The following JMJD1C variants were observed in gnomAD, a reference collection of about 807,000 sequenced individuals.
JMJD1C encodes the protein jumonji domain-containing protein 1C.
Under a neutral mutation model 245.3 loss-of-function variants are expected in JMJD1C, and 31 were observed. That is an observed-to-expected ratio of 0.13 (90% CI 0.09 to 0.17). The LOEUF is 0.17. Among genes scored for constraint, JMJD1C ranks in the 10% least tolerant of loss-of-function variants. The pLI is 1.00. For synonymous variants in JMJD1C, 1,057 were observed against 1,017.4 expected (o/e 1.04, Z -0.74); for missense variants, 2,691 against 3,000.2 (o/e 0.90, Z 2.41).
chr10:63,354,835 T>C (rs1230975966), intron 2 of JMJD1C, among the ~76,000 whole-genome samples: 2 of 136,592 alleles, frequency 1.5e-5, no homozygotes, highest in Non-Finnish European at 1.5e-5. Context: ...GGCAACATGG[T>C]GAGATCCCAT....
chr10:63,443,438 G>A (rs991887459), intron 1 of JMJD1C, among the ~76,000 whole-genome samples: 1 of 152,136 alleles, frequency 6.6e-6, no homozygotes, highest in African/African-American at 2.4e-5. Context: ...AGCCTCCCGA[G>A]TAGCTGGGAC....
rs368431973 is a variant in JMJD1C, at chr10:63,219,993, T to C, written c.448-10A>G. 4.9e-5 allele frequency: 79 copies of C among 1,598,670 alleles called. No individual in the cohort carries two copies. Among genetic ancestry groups the C allele is most frequent in the East Asian group, 4.9e-4 (22 of 44,786 alleles). On this transcript the variant is annotated splice_polypyrimidine_tract_variant and intron_variant, in intron 3 of 25. Transcript: ENST00000399262. ...GGCTGTCTATGTCGTCCTAGAATTATAGATTAAAAGAAAGGTCCATGTTAC... is the reference window on the plus strand; with the variant it reads ...GGCTGTCTATGTCGTCCTAGAATTACAGATTAAAAGAAAGGTCCATGTTAC...
intron 2 of JMJD1C, among the ~76,000 whole-genome samples, chr10:63,332,733 T>G (rs182342455): frequency 3.9e-5 from 6 of 152,232 alleles, no homozygotes; most frequent in African/African-American, 1.4e-4. Flanking sequence ...TTCCATTTAT[T>G]TTTATAGGTT....
intron 2 of JMJD1C, among the ~76,000 whole-genome samples, chr10:63,372,338 A>G (rs1481378672): frequency 6.6e-6 from 1 of 152,252 alleles, no homozygotes; most frequent in Non-Finnish European, 1.5e-5. Context: ...AGATTTGAAT[A>G]TTTAAGTCAA....
intron 1 of JMJD1C, among the ~76,000 whole-genome samples, chr10:63,448,346 G>T (rs756404259): frequency 2.0e-5 from 3 of 151,912 alleles, no homozygotes; most frequent in Non-Finnish European, 4.4e-5. Context: ...TAATAGAGGC[G>T]AGGTTTCATC....
At chr10:63,295,966 T>C (rs1859348034) in intron 2 of JMJD1C, among the ~76,000 whole-genome samples, 1 of 12,398 alleles carries the variant, frequency 8.1e-5, no homozygotes, top group Admixed American at 4.1e-4. Flanking sequence ...TATATGTGTG[T>C]GTGTGTGTGT....
chr10:63,389,309 C>T (rs111572785), intron 1 of JMJD1C, among the ~76,000 whole-genome samples: 1 of 92,670 alleles, frequency 1.1e-5, no homozygotes, highest in Non-Finnish European at 2.1e-5. Context: ...GAGACCCTGT[C>T]TCAAAAAAAA....
At chr10:63,386,670 A>C (rs1055264567) in intron 1 of JMJD1C, among the ~76,000 whole-genome samples, 2 of 152,206 alleles carry the variant, frequency 1.3e-5, no homozygotes, top group African/African-American at 4.8e-5. Flanking sequence ...GCAGGCCTGG[A>C]GACTGATTTA....
chr10:63,383,873 G>A (rs1039753078), intron 1 of JMJD1C, among the ~76,000 whole-genome samples: 1 of 152,078 alleles, frequency 6.6e-6, no homozygotes, highest in Non-Finnish European at 1.5e-5. Flanking sequence ...AGCTCAAGGT[G>A]GGGTGTTTGT....
chr10:63,345,150 A>C (rs1943700654), intron 2 of JMJD1C, among the ~76,000 whole-genome samples: 2 of 152,206 alleles, frequency 1.3e-5, no homozygotes, highest in African/African-American at 2.4e-5. Context: ...TGAATGGATA[A>C]TCTAACTGTG....
chr10:63,295,514 T>G (rs1293275574), intron 2 of JMJD1C, among the ~76,000 whole-genome samples: 1 of 152,194 alleles, frequency 6.6e-6, no homozygotes, highest in Non-Finnish European at 1.5e-5. Context: ...GCTATGATTC[T>G]ATATAGGCTC....
chr10:63,205,398 C>A (rs1332267842), intron 10 of JMJD1C, among the ~76,000 whole-genome samples: 1 of 152,154 alleles, frequency 6.6e-6, no homozygotes, highest in Non-Finnish European at 1.5e-5. Flanking sequence ...GGGTTCCAAA[C>A]CCATGGGTTC....
intron 1 of JMJD1C, among the ~76,000 whole-genome samples, chr10:63,435,394 A>T (rs1200329308): frequency 4.6e-5 from 7 of 152,246 alleles, no homozygotes; most frequent in Non-Finnish European, 7.3e-5. Flanking sequence ...TAAATCAAAT[A>T]AGTAGAACAG....
At chr10:63,484,821 C>CA (rs1953943641) in intron 1 of JMJD1C, among the ~76,000 whole-genome samples, 1 of 151,692 alleles carries the variant, frequency 6.6e-6, no homozygotes, top group African/African-American at 2.4e-5. Context: ...TGGCCAGACT[C>CA]AAATAGAAAA....
intron 3 of JMJD1C, among the ~76,000 whole-genome samples, chr10:63,221,163 C>T (rs1651077119): frequency 6.7e-6 from 1 of 149,046 alleles, no homozygotes; most frequent in African/African-American, 2.5e-5. Flanking sequence ...TAGAAAAGAG[C>T]TAAACTAAGT....
At position 63,498,614 on chromosome 10, in the gene JMJD1C, A is replaced by G. The variant is rs1348768964; in HGVS notation, n.113+23124T>C. On this transcript the variant is annotated intron_variant and non_coding_transcript_variant, in intron 1 of 3. Transcript: ENST00000633035. ...GGCCCCGACCCTACACCCCCTACCA[A>G]AAAACCTGGAAAATGTAGTGCCAAA... 2.6e-5 allele frequency among the ~76,000 whole-genome samples: 4 copies of G among 152,278 alleles called. No individual in the cohort carries two copies. In the East Asian group the frequency reaches 7.7e-4, roughly 29 times the overall value.
chr10:63,288,348 A>G (rs1437964074), intron 2 of JMJD1C, among the ~76,000 whole-genome samples: 2 of 152,200 alleles, frequency 1.3e-5, no homozygotes, highest in Non-Finnish European at 2.9e-5. Flanking sequence ...GCAGTGGGTA[A>G]TATTTCAATG....
intron 1 of JMJD1C, among the ~76,000 whole-genome samples, chr10:63,446,135 C>T (rs1313793011): frequency 1.3e-5 from 2 of 151,852 alleles, no homozygotes; most frequent in Non-Finnish European, 2.9e-5. Context: ...TTGGCCTCCC[C>T]GAGTGCTGAG....
intron 2 of JMJD1C, among the ~76,000 whole-genome samples, chr10:63,297,336 T>G (rs1401016505): frequency 6.6e-6 from 1 of 152,114 alleles, no homozygotes; most frequent in African/African-American, 2.4e-5. Context: ...TCTGAGCCTA[T>G]AAAAACCCCG....
Sources: gnomAD v4.1 joint callset for allele counts (sites outside exome capture counted in the v4.1 genomes callset) on GRCh38, gnomAD v4.1.1 for gene constraint, MANE v1.5 for transcripts, NCBI Gene and HGNC (gene_info 2026-07-23, HGNC 2026-07-21) for gene names.